The following GRM7 variants were observed in gnomAD, a reference collection of about 807,000 sequenced individuals.
GRM7 encodes glutamate metabotropic receptor 7.
Under a neutral mutation model 84.5 loss-of-function variants are expected in GRM7, and 35 were observed. The observed-to-expected ratio is 0.41, with a 90% CI of 0.32 to 0.55. The LOEUF (loss-of-function observed/expected upper bound fraction) is 0.55. Among genes scored for constraint, GRM7 ranks in the 20% least tolerant of loss-of-function variants. The probability of loss-of-function intolerance (pLI) is 0.19; values close to 1 mark genes in which losing one functional copy is unlikely to be tolerated. For missense variants in GRM7, 1,003 were observed against 1,194.6 expected (o/e 0.84, Z 2.36); for synonymous variants, 487 against 455.1 (o/e 1.07, Z -0.89).
intron 1 of GRM7, among the ~76,000 whole-genome samples, chr3:6,989,411 A>T (rs939873052): frequency 6.6e-6 from 1 of 152,196 alleles, no homozygotes; most frequent in Non-Finnish European, 1.5e-5. Context: ...CCTTAAGATG[A>T]CATAGTTAGG....
At chr3:6,882,189 C>G (rs1041674718) in intron 1 of GRM7, among the ~76,000 whole-genome samples, 64 of 151,982 alleles carry the variant, frequency 4.2e-4, no homozygotes, top group African/African-American at 1.4e-3. Context: ...CAACTTTTAC[C>G]AATTCCAAAT....
intron 1 of GRM7, among the ~76,000 whole-genome samples, chr3:7,109,479 C>G (rs1016410350): frequency 5.3e-5 from 8 of 152,040 alleles, no homozygotes; most frequent in African/African-American, 1.9e-4. Context: ...CCATTTTTAC[C>G]CTTTGCTATT....
intron 1 of GRM7, among the ~76,000 whole-genome samples, chr3:6,891,059 GC>G (rs1302803391): frequency 2.6e-5 from 4 of 152,092 alleles, no homozygotes; most frequent in Non-Finnish European, 4.4e-5. Flanking sequence ...TGCAACCCCT[GC>G]CATTTTTTGT....
At chr3:6,950,552 A>C (rs1391009251) in intron 1 of GRM7, among the ~76,000 whole-genome samples, 1 of 152,214 alleles carries the variant, frequency 6.6e-6, no homozygotes, top group South Asian at 2.1e-4. Context: ...CTCCAGCTGC[A>C]TGCTGGGAGA....
intron 1 of GRM7, among the ~76,000 whole-genome samples, chr3:7,123,340 C>A (rs1693286864): frequency 6.6e-6 from 1 of 152,154 alleles, no homozygotes. Flanking sequence ...AAAGTGGGGC[C>A]AGGCATGGTG....
At chr3:7,306,442 C>T (rs17047071) in intron 3 of GRM7, 56 bp from the exon 4 acceptor site, 158,840 of 1,476,562 alleles carry the variant, frequency 0.11, 8,712 homozygotes, top group South Asian at 0.14. Context: ...GCAATCTACA[C>T]GGATTCAGCT....
chr3:7,003,811 A>T (rs1212605250), intron 1 of GRM7, among the ~76,000 whole-genome samples: 1 of 152,182 alleles, frequency 6.6e-6, no homozygotes, highest in East Asian at 1.9e-4. Context: ...CACTTATTTC[A>T]TATACTTTGT....
intron 1 of GRM7, among the ~76,000 whole-genome samples, chr3:6,995,126 C>G (rs1225093089): frequency 6.6e-6 from 1 of 152,188 alleles, no homozygotes; most frequent in Admixed American, 6.5e-5. Context: ...TCCCTGATCC[C>G]TAAGGAACAT....
At chr3:7,357,166 T>C (rs755799367) in intron 4 of GRM7, among the ~76,000 whole-genome samples, 7 of 151,710 alleles carry the variant, frequency 4.6e-5, no homozygotes, top group African/African-American at 7.3e-5. Flanking sequence ...ACTATAAAGG[T>C]TCTGTTTTCT....
chr3:7,609,285 A>G (rs925873530), intron 8 of GRM7, among the ~76,000 whole-genome samples: 4 of 152,170 alleles, frequency 2.6e-5, no homozygotes, highest in African/African-American at 9.7e-5. Flanking sequence ...ATCCAACACT[A>G]CAGAGAAGCA....
intron 4 of GRM7, among the ~76,000 whole-genome samples, chr3:7,411,611 A>G (rs1386711710): frequency 1.3e-5 from 2 of 152,228 alleles, no homozygotes; most frequent in African/African-American, 2.4e-5. Flanking sequence ...TGTGACATAA[A>G]TGATACCGAA....
rs191493482 is a variant in GRM7, at chr3:6,875,630, A to C, written c.519+13723A>C. ...GTATGTCTTTATTAGCAGTGTGAGA[A>C]CAGACCAATCACCTGAGTTTTCTTT... On this transcript the variant is annotated intron_variant, in intron 1 of 9. Transcript: ENST00000357716. Among the ~76,000 whole-genome samples the C allele has an allele frequency of 2.2e-3, 331 of 152,312 alleles. 1 individual carries two copies. The highest frequency in any genetic ancestry group is 7.5e-3 in the African/African-American group (313 of 41,564).
chr3:7,053,945 A>G (rs1179337931), intron 1 of GRM7, among the ~76,000 whole-genome samples: 1 of 151,046 alleles, frequency 6.6e-6, no homozygotes, highest in Non-Finnish European at 1.5e-5. Flanking sequence ...TAAATCATAC[A>G]AACTCTTACT....
intron 8 of GRM7, among the ~76,000 whole-genome samples, chr3:7,594,614 AC>A (rs1695948693): frequency 6.6e-6 from 1 of 151,998 alleles, no homozygotes; most frequent in Non-Finnish European, 1.5e-5. Flanking sequence ...AAACCTCCAA[AC>A]CTGTCTTCCC....
intron 1 of GRM7, among the ~76,000 whole-genome samples, chr3:6,957,069 T>C (rs367676053): frequency 2.4e-4 from 36 of 152,188 alleles, no homozygotes; most frequent in African/African-American, 7.5e-4. Context: ...AGAATTTAAT[T>C]TTATATTATA....
Position 7,146,538 on chromosome 3 carries a change from T to C in GRM7, c.606T>C (p.Asp202=). 1 of 1,613,998 alleles carries C rather than the reference T, an allele frequency of 6.2e-7. No individual in the cohort carries two copies. Among genetic ancestry groups the C allele is most frequent in the South Asian group, 1.1e-5 (1 of 91,078 alleles). The change falls in exon 2 of 10, where the codon GAT becomes GAC. Residue 202 remains aspartate, a synonymous_variant. Transcript: ENST00000357716. ...TCTTCTCTCGCGTGGTGCCACCCGA[T>C]TCCTTCCAAGCCCAGGCCATGGTAG... ...YDFFSRVVPP[D]SFQAQAMVDI... is the part of the protein sequence containing the mutation.
At chr3:7,684,822 C>T (rs1400283314) in intron 9 of GRM7, among the ~76,000 whole-genome samples, 1 of 152,012 alleles carries the variant, frequency 6.6e-6, no homozygotes, top group African/African-American at 2.4e-5. Flanking sequence ...TGAAAAATAG[C>T]AAGCTCAGAG....
chr3:7,346,354 T>TCC (rs1692894540), intron 4 of GRM7, among the ~76,000 whole-genome samples: 1 of 152,150 alleles, frequency 6.6e-6, no homozygotes, highest in South Asian at 2.1e-4. Context: ...TTTCCAAAAG[T>TCC]CATCCGAAGG....
intron 2 of GRM7, among the ~76,000 whole-genome samples, chr3:7,156,694 T>C (rs1418253858): frequency 6.6e-6 from 1 of 152,172 alleles, no homozygotes; most frequent in Non-Finnish European, 1.5e-5. Flanking sequence ...TAGTTCACAG[T>C]TAAATAATGA....
Sources: allele counts gnomAD v4.1 joint callset (sites outside exome capture counted in the v4.1 genomes callset), GRCh38; gene constraint gnomAD v4.1.1; transcripts MANE v1.5; gene names NCBI Gene and HGNC (gene_info 2026-07-23, HGNC 2026-07-21).